The following DCP1A variants were observed in gnomAD, a reference collection of about 807,000 sequenced individuals.
DCP1A encodes the protein mRNA-decapping enzyme 1A.
Under a neutral mutation model 58.0 loss-of-function variants are expected in DCP1A, and 20 were observed. The observed-to-expected ratio is 0.34, with a 90% CI of 0.24 to 0.50. The LOEUF (loss-of-function observed/expected upper bound fraction) is 0.50, where lower values mean the gene tolerates loss of function less well. DCP1A is among the 20% of genes least tolerant of loss of function. The probability of loss-of-function intolerance (pLI) is 0.98; values close to 1 mark genes in which losing one functional copy is unlikely to be tolerated. For missense variants in DCP1A, 613 were observed against 712.2 expected, an observed-to-expected ratio of 0.86 and a Z score of 1.59; for synonymous variants, 285 against 275.1, an observed-to-expected ratio of 1.04 and a Z score of -0.36.
At chr3:53,343,664 T>A (rs1301805095) in intron 2 of DCP1A, among the ~76,000 whole-genome samples, 1 of 152,172 alleles carries the variant, frequency 6.6e-6, no homozygotes, top group Non-Finnish European at 1.5e-5. Context: ...CAGGCTGGAG[T>A]GCAGTGGCAC....
chr3:53,325,383 AT>A (rs1174710499), intron 3 of DCP1A, among the ~76,000 whole-genome samples: 1 of 152,148 alleles, frequency 6.6e-6, no homozygotes, highest in Non-Finnish European at 1.5e-5. Context: ...GAGGCTGGAG[AT>A]TTTCTCAGTA....
intron 3 of DCP1A, among the ~76,000 whole-genome samples, chr3:53,334,096 T>C (rs985772263): frequency 1.3e-5 from 2 of 152,020 alleles, no homozygotes; most frequent in African/African-American, 2.4e-5. Flanking sequence ...ACCTTGTCTC[T>C]ACAAAAAATA....
chr3:53,335,131 T>A (rs78909611), intron 3 of DCP1A, among the ~76,000 whole-genome samples: 11,914 of 147,686 alleles, frequency 0.081, 1,097 homozygotes, highest in African/African-American at 0.23. Context: ...ATATATATAT[T>A]TTTTTTATTT....
Position 53,304,232 on chromosome 3 carries a change from G to A in DCP1A, c.569C>T (p.Ser190Phe), listed in dbSNP as rs1707397935. 8.1e-6 allele frequency: 13 copies of A among 1,613,704 alleles called. No homozygotes were observed. Among genetic ancestry groups the A allele is most frequent in the Non-Finnish European group, 1.1e-5 (13 of 1,179,844 alleles). ...TAGAGTCTCGGTGCTTCCCAGATTG[G>A]AGAGCTGAGTGCTTGGCTGTAACCC... ...SPGLQPSTQL[S>F]NLGSTETLEE... Residue 190 changes from serine to phenylalanine, a missense_variant, in exon 6 of 10, where the codon TCC (serine) becomes TTC (phenylalanine). By Grantham distance (155) the Ser-to-Phe change is radical. Coordinates refer to ENST00000610213, the MANE Select transcript of DCP1A (RefSeq NM_018403.7).
intron 7 of DCP1A, 131 bp downstream of exon 7, chr3:53,291,938 G>A: frequency 1.0e-6 from 1 of 972,228 alleles, no homozygotes; most frequent in Admixed American, 3.0e-5. Flanking sequence ...CTGTCTCCGA[G>A]CCTCTGACAT....
chr3:53,288,467 T>G, intron 8 of DCP1A, 184 bp from the exon 9 acceptor site: 5 of 595,952 alleles, frequency 8.4e-6, no homozygotes, highest in Non-Finnish European at 1.2e-5. Context: ...TAAACTTCCA[T>G]TAGCTAAAGG....
At chr3:53,312,474 G>A in intron 4 of DCP1A, 95 bp from the exon 5 acceptor site, 1 of 949,262 alleles carries the variant, frequency 1.1e-6, no homozygotes, top group Non-Finnish European at 1.5e-6. Flanking sequence ...TACACTAAGA[G>A]TGTCACATGA....
At chr3:53,342,982 C>T (rs73843124) in intron 2 of DCP1A, among the ~76,000 whole-genome samples, 1,931 of 152,274 alleles carry the variant, frequency 0.013, 38 homozygotes, top group African/African-American at 0.044. Context: ...TTACATAGCG[C>T]TCCTGAGTTA....
At chr3:53,310,265 T>C (rs187983043) in intron 5 of DCP1A, among the ~76,000 whole-genome samples, 27 of 152,378 alleles carry the variant, frequency 1.8e-4, no homozygotes, top group South Asian at 6.2e-4. Context: ...TATATTCCTT[T>C]TGTAATATTG....
intron 4 of DCP1A, among the ~76,000 whole-genome samples, chr3:53,315,999 C>T (rs1707800915): frequency 6.6e-6 from 1 of 152,074 alleles, no homozygotes; most frequent in Non-Finnish European, 1.5e-5. Flanking sequence ...CGTGATACGC[C>T]TGTCTTGGCC....
In DCP1A at chr3:53,312,329, T is replaced by C; in HGVS notation, c.422A>G (p.Gln141Arg). The change falls in exon 5 of 10, where the codon CAG becomes CGG. Residue 141 changes from glutamine (Q) to arginine (R), a missense_variant. Gln to Arg is a conservative substitution (Grantham distance 43). Around this residue, in one of 3 missense-constraint regions of DCP1A, gnomAD observed 498 missense variants for 556.7 expected, o/e 0.89. Coordinates refer to ENST00000610213, the MANE Select transcript of DCP1A (RefSeq NM_018403.7). ...RRSQQAARDK[Q>R]SPSQANGCSD... ...GCAGCCATTGGCCTGGCTGGGACTC[T>C]GTTTGTCCCGAGCAGCTTGCTGGGA... is the stretch of plus-strand genomic sequence containing the variant. 3.1e-6 allele frequency: 5 copies of C among 1,613,498 alleles called. No homozygotes were observed. Among genetic ancestry groups the C allele is most frequent in the Non-Finnish European group, 4.2e-6 (5 of 1,179,696 alleles).
intron 3 of DCP1A, among the ~76,000 whole-genome samples, chr3:53,323,060 G>A (rs953556264): frequency 6.6e-6 from 1 of 152,114 alleles, no homozygotes; most frequent in Non-Finnish European, 1.5e-5. Context: ...TCCTGACCTC[G>A]TGATCCGCCC....
Position 53,287,362 on chromosome 3 carries a change from TTTTTTTTGTC to T in DCP1A, c.*208_*217del. ...GCTCTCTTTTTTTTTTTTTTTTTTTTTTTTTTTGTCAAAACAAGGATCTGCTGGTGATGCT... is the reference window on the plus strand; with the variant it reads ...GCTCTCTTTTTTTTTTTTTTTTTTTTAAAACAAGGATCTGCTGGTGATGCT... On this transcript the variant is annotated 3_prime_UTR_variant, in exon 10 of 10. Transcript: ENST00000610213. 3.5e-6 allele frequency: 1 copy of T among 286,578 alleles called. No individual in the cohort carries two copies. The highest frequency in any genetic ancestry group is 1.4e-4 in the South Asian group (1 of 7,124). 17.8% of individuals were successfully genotyped at this position (286,578 alleles called of 1,614,324 possible).
intron 3 of DCP1A, among the ~76,000 whole-genome samples, chr3:53,329,679 T>C (rs2088950645): frequency 6.6e-6 from 1 of 152,126 alleles, no homozygotes. Flanking sequence ...CAAGGTAAAA[T>C]AAAATTCGGG....
chr3:53,330,681 T>C (rs2088978729), intron 3 of DCP1A, among the ~76,000 whole-genome samples: 1 of 152,006 alleles, frequency 6.6e-6, no homozygotes, highest in African/African-American at 2.4e-5. Context: ...AAGCGCACAG[T>C]AGTTTTAATC....
At chr3:53,293,555 C>A (rs965417751) in intron 6 of DCP1A, among the ~76,000 whole-genome samples, 2 of 152,126 alleles carry the variant, frequency 1.3e-5, no homozygotes, top group Non-Finnish European at 2.9e-5. Flanking sequence ...ACAGTTCTCA[C>A]AGAGCTTACA....
At chr3:53,308,057 T>C (rs1402333691) in intron 5 of DCP1A, among the ~76,000 whole-genome samples, 1 of 152,116 alleles carries the variant, frequency 6.6e-6, no homozygotes, top group African/African-American at 2.4e-5. Flanking sequence ...ATAAATCTAA[T>C]GTACACAAAC....
At chr3:53,317,262 T>A (rs1451211678) in intron 4 of DCP1A, among the ~76,000 whole-genome samples, 1 of 152,070 alleles carries the variant, frequency 6.6e-6, no homozygotes, top group Non-Finnish European at 1.5e-5. Context: ...AGCTTCCGGG[T>A]TCAAGTGATT....
At chr3:53,314,951 C>T (rs1258177857) in intron 4 of DCP1A, among the ~76,000 whole-genome samples, 7 of 151,914 alleles carry the variant, frequency 4.6e-5, no homozygotes, top group Non-Finnish European at 1.0e-4. Context: ...GGATTACAGG[C>T]GTGAGCCACT....
Sources: gnomAD v4.1 joint callset for allele counts (sites outside exome capture counted in the v4.1 genomes callset) on GRCh38, gnomAD v4.1.1 for gene constraint, gnomAD v4.1.1 regional missense constraint, MANE v1.5 for transcripts, NCBI Gene and HGNC (gene_info 2026-07-23, HGNC 2026-07-21) for gene names.